The following CD8B variants were observed in gnomAD, a reference collection of about 807,000 sequenced individuals.
CD8B encodes CD8 subunit beta.
A neutral mutation model predicts 24.2 loss-of-function variants in CD8B; 6 were observed. The ratio of observed to expected loss-of-function variants is 0.25; its 90% CI spans 0.14 to 0.49. CD8B has a LOEUF of 0.49. Among genes scored for constraint, CD8B ranks in the 20% least tolerant of loss-of-function variants. The probability of loss-of-function intolerance (pLI) is 0.98; values close to 1 mark genes in which losing one functional copy is unlikely to be tolerated. For synonymous variants in CD8B, 84 were observed against 108.3 expected, an observed-to-expected ratio of 0.78 and a Z score of 1.39; for missense variants, 196 against 271.3, an observed-to-expected ratio of 0.72 and a Z score of 1.95.
At chr2:86,820,009 C>T (rs1194886906) in intron 5 of CD8B, among the ~76,000 whole-genome samples, 1 of 152,156 alleles carries the variant, frequency 6.6e-6, no homozygotes, top group Non-Finnish European at 1.5e-5. Context: ...GTAGAAATAG[C>T]AAGAGAACTA....
intron 3 of CD8B, among the ~76,000 whole-genome samples, chr2:86,850,016 T>C (rs935258595): frequency 5.9e-5 from 9 of 152,050 alleles, no homozygotes; most frequent in Non-Finnish European, 8.8e-5. Flanking sequence ...ACTAAGTTTT[T>C]AAAAACTGTA....
chr2:86,826,089 T>G (rs1674677249), intron 5 of CD8B, among the ~76,000 whole-genome samples: 1 of 152,088 alleles, frequency 6.6e-6, no homozygotes, highest in Non-Finnish European at 1.5e-5. Context: ...ACGTATCATT[T>G]GTCTTATATT....
chr2:86,847,652 G>A (rs1675751836), intron 3 of CD8B, among the ~76,000 whole-genome samples: 1 of 152,280 alleles, frequency 6.6e-6, no homozygotes, highest in East Asian at 1.9e-4. Context: ...TGCAACCTCC[G>A]CCTTCTGGGT....
chr2:86,842,106 C>T lies in CD8B; in HGVS notation c.*201G>A. 5 of 1,381,462 alleles carry T rather than the reference C, an allele frequency of 3.6e-6. No homozygotes were observed. Among genetic ancestry groups the T allele is most frequent in the Non-Finnish European group, 3.8e-6 (4 of 1,063,208 alleles). 85.6% of individuals were successfully genotyped at this position (1,381,462 alleles called of 1,614,324 possible). On this transcript the variant is annotated 3_prime_UTR_variant, in exon 6 of 6. Transcript: ENST00000390655. ...GCCCTGGGGGCAATGAAACCTTCTCCCTAGTATTCCCGATGACCCACGAAC... is the reference window on the plus strand; with the variant it reads ...GCCCTGGGGGCAATGAAACCTTCTCTCTAGTATTCCCGATGACCCACGAAC...
At position 86,839,756 on chromosome 2, in the gene CD8B, C is replaced by A. The variant is rs1205904271; in HGVS notation, c.*2551G>T. On this transcript the variant is annotated 3_prime_UTR_variant, in exon 6 of 6. Transcript: ENST00000390655. The stretch of plus-strand genomic sequence containing the variant: ...GCAGGGAGACGGTCAAATTTCAAAG[C>A]CTGCAGTGGGACAAGAGGCCTTGTG... 2.6e-5 allele frequency among the ~76,000 whole-genome samples: 4 copies of A among 152,244 alleles called. No individual in the cohort carries two copies. Among genetic ancestry groups the A allele is most frequent in the Admixed American group, 6.5e-5 (1 of 15,280 alleles).
At position 86,844,803 on chromosome 2, in the gene CD8B, C is replaced by G. The variant is rs549150361; in HGVS notation, c.620+119G>C. ...GACTACAGGTGTGCACTACTATGCC[C>G]GGCCGAGTCTATGATCTTTGGAAGA... On this transcript the variant is annotated intron_variant, in intron 5 of 5. Coordinates refer to ENST00000390655, the MANE Select transcript of CD8B (RefSeq NM_004931.5). 47 of 1,543,380 alleles carry G rather than the reference C, an allele frequency of 3.0e-5. No homozygotes were observed. The East Asian group carries it at 1.2e-3, about 38-fold the overall frequency.
At chr2:86,861,703 C>G in intron 1 of CD8B, 120 bp downstream of exon 1, 1 of 754,640 alleles carries the variant, frequency 1.3e-6, no homozygotes, top group Non-Finnish European at 1.8e-6. Flanking sequence ...CCGGGCGCCC[C>G]GCCACCGCGG....
At position 86,824,933 on chromosome 2, in the gene CD8B, G is replaced by C. The variant is rs141800391; in HGVS notation, c.621-9215C>G. Among the ~76,000 whole-genome samples the C allele has an allele frequency of 2.1e-3, 316 of 152,266 alleles. 1 individual carries two copies. Among genetic ancestry groups the C allele is most frequent in the Middle Eastern group, 6.8e-3 (2 of 294 alleles). On this transcript the variant is annotated intron_variant, in intron 5 of 5. Coordinates refer to the CD8B transcript ENST00000331469. ...ACTCCTCTTTATAGTCAACCACTTAGGTTGTTCTATTGTTATTTCTAGAAC... is the reference window on the plus strand; with the variant it reads ...ACTCCTCTTTATAGTCAACCACTTACGTTGTTCTATTGTTATTTCTAGAAC...
chr2:86,842,888 C>G lies in CD8B; in HGVS notation c.621-569G>C, dbSNP rs140336223. Among the ~76,000 whole-genome samples the G allele has an allele frequency of 1.3e-4, 20 of 152,226 alleles. 1 individual carries two copies. The highest frequency in any genetic ancestry group is 3.4e-3 in the Middle Eastern group (1 of 294). ...GTGAGGAGGTCTCAGGGTCCCCCCA[C>G]GACCACCCAGAGCCCCTTCCCTGCC... On this transcript the variant is annotated intron_variant, in intron 5 of 5. Transcript: ENST00000390655.
Position 86,841,630 on chromosome 2 carries a change from A to G in CD8B, c.*677T>C. ...TTATTTGTACAACTAAGACATTTGT[A>G]TAAAACAAACAGAAAATGAAAGAAG... is the stretch of plus-strand genomic sequence containing the variant. On this transcript the variant is annotated 3_prime_UTR_variant, in exon 6 of 6. Transcript: ENST00000390655. The G allele has an allele frequency of 3.0e-6, 3 of 984,364 alleles. No individual in the cohort carries two copies. Among genetic ancestry groups the G allele is most frequent in the Non-Finnish European group, 3.6e-6 (3 of 828,980 alleles). 61.0% of individuals were successfully genotyped at this position (984,364 alleles called of 1,614,324 possible).
chr2:86,851,222 A>C (rs1374518197), intron 3 of CD8B, among the ~76,000 whole-genome samples: 2 of 152,224 alleles, frequency 1.3e-5, no homozygotes, highest in Non-Finnish European at 2.9e-5. Flanking sequence ...ATGAATGGGC[A>C]GATTGCTTCT....
intron 5 of CD8B, 187 bp downstream of exon 5, chr2:86,844,735 T>C (rs1176801192): frequency 6.6e-7 from 1 of 1,523,118 alleles, no homozygotes; most frequent in East Asian, 2.5e-5. Context: ...CTTGAACTCC[T>C]GGGCTCAAGT....
downstream of CD8B, among the ~76,000 whole-genome samples, chr2:86,834,935 CAAAAAAAAAAAA>C (rs59354571): frequency 8.5e-5 from 8 of 93,950 alleles, no homozygotes; most frequent in Admixed American, 9.7e-4. Flanking sequence ...AACTCTGTCT[CAAAAAAAAAAAA>C]AAAAAAAAAA....
Position 86,841,671 on chromosome 2 carries a change from G to C in CD8B, c.*636C>G. On this transcript the variant is annotated 3_prime_UTR_variant, in exon 6 of 6. Coordinates refer to ENST00000390655, the MANE Select transcript of CD8B (RefSeq NM_004931.5). ...ATGAAAGAAGCATTAAGCCATGGGA[G>C]AGTAGAAATGGGAGCTGAGAAACTT... 1.0e-6 allele frequency: 1 copy of C among 983,694 alleles called. No homozygotes were observed. Among genetic ancestry groups the C allele is most frequent in the Non-Finnish European group, 1.2e-6 (1 of 828,272 alleles). The allele number at this position is 983,694 out of a possible 1,614,324, so 60.9% of individuals were successfully genotyped here.
chr2:86,832,306 T>C (rs1427710992), intron 5 of CD8B, among the ~76,000 whole-genome samples: 8 of 151,780 alleles, frequency 5.3e-5, no homozygotes, highest in African/African-American at 1.5e-4. Context: ...TGGTGAAACC[T>C]CGTCTCTACT....
At chr2:86,823,226 C>G (rs1674544553) in intron 5 of CD8B, among the ~76,000 whole-genome samples, 1 of 152,068 alleles carries the variant, frequency 6.6e-6, no homozygotes, top group African/African-American at 2.4e-5. Flanking sequence ...CAAGTAGAAT[C>G]ATACTGTATT....
In CD8B at chr2:86,826,138, T is replaced by G. The variant is rs115356557; in HGVS notation, c.621-10420A>C. Among the ~76,000 whole-genome samples the G allele has an allele frequency of 1.9e-3, 284 of 152,132 alleles. 1 individual carries two copies. The highest frequency in any genetic ancestry group is 6.6e-3 in the African/African-American group (272 of 41,492). On this transcript the variant is annotated intron_variant, in intron 5 of 5. Coordinates refer to the CD8B transcript ENST00000331469. The stretch of plus-strand genomic sequence containing the variant: ...AAGCCCGGGAGGAAGTGTGGTCTTG[T>G]GGGGAGCTCTGTGCAGGCAACATGA...
chr2:86,846,185 G>A (rs1232565511), intron 4 of CD8B, among the ~76,000 whole-genome samples: 1 of 152,222 alleles, frequency 6.6e-6, no homozygotes, highest in African/African-American at 2.4e-5. Context: ...GGGAGCAGCA[G>A]TCATTTCTGT....
rs746467783 is a variant in CD8B, at chr2:86,846,792, A to G, written c.494-19T>C. 4 of 1,531,980 alleles carry G rather than the reference A, an allele frequency of 2.6e-6. No individual in the cohort carries two copies. Among genetic ancestry groups the G allele is most frequent in the Non-Finnish European group, 3.6e-6 (4 of 1,125,164 alleles). 94.9% of individuals were successfully genotyped at this position (1,531,980 alleles called of 1,614,324 possible). On this transcript the variant is annotated intron_variant, in intron 3 of 5. Coordinates refer to ENST00000390655, the MANE Select transcript of CD8B (RefSeq NM_004931.5). ...AGTGGGCCTGGAAAACACACATGTG[A>G]CATGTGTTCAACACGGAACATTTTT...
Sources: allele counts gnomAD v4.1 joint callset (sites outside exome capture counted in the v4.1 genomes callset), GRCh38; gene constraint gnomAD v4.1.1; transcripts MANE v1.5; gene names NCBI Gene and HGNC (gene_info 2026-07-23, HGNC 2026-07-21).